Variants in CASZ1 observed in about 807,000 individuals in gnomAD.
CASZ1 encodes the protein castor zinc finger 1.
A neutral mutation model predicts 135.2 loss-of-function variants in CASZ1; 28 were observed. The ratio of observed to expected loss-of-function variants is 0.21; its 90% confidence interval spans 0.15 to 0.28. The LOEUF (loss-of-function observed/expected upper bound fraction) is 0.28, where lower values mean the gene tolerates loss of function less well. CASZ1 is among the 10% of genes least tolerant of loss of function. The probability of loss-of-function intolerance (pLI) is 1.00; values close to 1 mark genes in which losing one functional copy is unlikely to be tolerated. For synonymous variants in CASZ1, 1,068 were observed against 1,073.4 expected (o/e 0.99, Z 0.10); for missense variants, 2,161 against 2,453.3 (o/e 0.88, Z 2.52).
intron 2 of CASZ1, among the ~76,000 whole-genome samples, chr1:10,712,820 C>A (rs1639311734): frequency 6.6e-6 from 1 of 152,258 alleles, no homozygotes; most frequent in Non-Finnish European, 1.5e-5. Flanking sequence ...CACGGCCCAG[C>A]CAATCCATCT....
chr1:10,643,705 C>A (rs778497162), intron 18 of CASZ1, among the ~76,000 whole-genome samples: 2 of 152,206 alleles, frequency 1.3e-5, no homozygotes, highest in African/African-American at 2.4e-5. Context: ...TGCCCCTCTG[C>A]CCAGGCCCCA....
intron 1 of CASZ1, among the ~76,000 whole-genome samples, chr1:10,781,209 C>G (rs2100612395): frequency 6.6e-6 from 1 of 152,370 alleles, no homozygotes; most frequent in Non-Finnish European, 1.5e-5. Flanking sequence ...CGACCTTCTC[C>G]ACTAGCACAG....
intron 1 of CASZ1, among the ~76,000 whole-genome samples, chr1:10,790,810 G>T (rs1473485435): frequency 6.6e-6 from 1 of 151,712 alleles, no homozygotes; most frequent in Non-Finnish European, 1.5e-5. Context: ...GGGAGAGGAT[G>T]GTATAAATGT....
At chr1:10,684,960 G>T (rs1457576631) in intron 4 of CASZ1, among the ~76,000 whole-genome samples, 1 of 152,250 alleles carries the variant, frequency 6.6e-6, no homozygotes, top group Non-Finnish European at 1.5e-5. Flanking sequence ...GGAACCCCCA[G>T]TGTGGGACCT....
intron 18 of CASZ1, among the ~76,000 whole-genome samples, chr1:10,643,664 A>C (rs1198874523): frequency 6.6e-6 from 1 of 152,178 alleles, no homozygotes; most frequent in East Asian, 1.9e-4. Flanking sequence ...ACCTGTCCCC[A>C]CATCTCTGCT....
rs1470141562 is a variant in CASZ1 at position 10,721,472 on chromosome 1, C to T, written c.-76-15928G>A. Among the ~76,000 whole-genome samples, 3 of 152,238 alleles carry T rather than the reference C, an allele frequency of 2.0e-5. No individual in the cohort carries two copies. Among genetic ancestry groups the T allele is most frequent in the Non-Finnish European group, 4.4e-5 (3 of 68,050 alleles). ...GGCCTGTTAACCAAAACACTAATTG[C>T]TGTGACTGATTGTCACATATCATCA... On this transcript the variant is annotated intron_variant, in intron 2 of 20. Coordinates refer to ENST00000377022, the MANE Select transcript of CASZ1 (RefSeq NM_001079843.3). The surrounding 1 kb of genome is among the most constrained non-coding windows in gnomAD (Gnocchi z 5.4).
At chr1:10,686,297 GA>G (rs1213754975) in intron 4 of CASZ1, among the ~76,000 whole-genome samples, 6 of 152,214 alleles carry the variant, frequency 3.9e-5, no homozygotes, top group Admixed American at 1.3e-4. Flanking sequence ...AAAGTTGGCA[GA>G]AAAAAAATTC....
rs374254437 is a variant in CASZ1 at position 10,640,505 on chromosome 1, G to C, written c.4163-446C>G. 3.5e-4 allele frequency among the ~76,000 whole-genome samples: 54 copies of C among 152,326 alleles called. No individual in the cohort carries two copies. The East Asian group carries it at 3.7e-3, about 10-fold the overall frequency. On this transcript the variant is annotated intron_variant, in intron 20 of 20. Transcript: ENST00000377022. ...GGGACAGGCCGGCTCCTTTCCCGCC[G>C]GCTACCCGGCTTCCCTGGCTGCGCC... is the stretch of plus-strand genomic sequence containing the variant.
intron 1 of CASZ1, among the ~76,000 whole-genome samples, chr1:10,778,440 A>G (rs1640700589): frequency 6.6e-6 from 1 of 152,218 alleles, no homozygotes; most frequent in African/African-American, 2.4e-5. Context: ...ACACATCCTC[A>G]TACAATCTCA....
At chr1:10,729,353 G>A (rs993700121) in intron 2 of CASZ1, among the ~76,000 whole-genome samples, 2 of 152,168 alleles carry the variant, frequency 1.3e-5, no homozygotes, top group Non-Finnish European at 2.9e-5. Flanking sequence ...CTGGCACTGC[G>A]GGGCAGCCGG....
intron 11 of CASZ1, 153 bp downstream of exon 11, chr1:10,653,224 G>T: frequency 1.2e-6 from 1 of 826,346 alleles, no homozygotes; most frequent in Non-Finnish European, 2.0e-6. Context: ...AACAGGATGG[G>T]GGCGAAGATC....
rs767492835 is a variant in CASZ1 at position 10,665,276 on chromosome 1, G to A, written c.312C>T (p.Pro104=). The A allele has an allele frequency of 1.1e-5, 18 of 1,611,564 alleles. No individual in the cohort carries two copies. The highest frequency in any genetic ancestry group is 5.3e-5 in the African/African-American group (4 of 74,922). The change falls in exon 5 of 21, where the codon CCC becomes CCT. Residue 104 remains proline (P), a synonymous_variant. Transcript: ENST00000377022. ...CCTCGCGGGCAATCCGCCCCAACAC[G>A]GGTGTGGGTGCCGGCTCCTCGCTGT... ...GEYSEEPAPT[P]VLGRIAREGL...
At chr1:10,737,269 G>A (rs1282281340) in intron 2 of CASZ1, among the ~76,000 whole-genome samples, 2 of 152,202 alleles carry the variant, frequency 1.3e-5, no homozygotes, top group Non-Finnish European at 2.9e-5. Context: ...CATTAGCGGT[G>A]GAGGCACAGC....
chr1:10,755,930 T>C lies in CASZ1; in HGVS notation c.-77+4771A>G, dbSNP rs933226503. 1.3e-5 allele frequency among the ~76,000 whole-genome samples: 2 copies of C among 149,538 alleles called. No individual in the cohort carries two copies. Among genetic ancestry groups the C allele is most frequent in the Non-Finnish European group, 3.0e-5 (2 of 67,410 alleles). ...CAGATCAAAGCCCTGGAGGATGGCA[T>C]GAGAACTGTCCAGTCCAGTTAGGAG... is the stretch of plus-strand genomic sequence containing the variant. On this transcript the variant is annotated intron_variant, in intron 2 of 20. Transcript: ENST00000377022. The surrounding 1 kb of genome is among the most constrained non-coding windows in gnomAD (Gnocchi z 4.3).
intron 2 of CASZ1, among the ~76,000 whole-genome samples, chr1:10,716,428 C>T (rs1004064145): frequency 3.9e-5 from 6 of 152,218 alleles, no homozygotes; most frequent in African/African-American, 7.2e-5. Flanking sequence ...ATGGGGACCC[C>T]GGCTTAAATC....
In CASZ1 at chr1:10,646,451, G is replaced by A. The variant is rs1263926769; in HGVS notation, c.3498-125C>T. 8 of 864,400 alleles carry A rather than the reference G, an allele frequency of 9.3e-6. No individual in the cohort carries two copies. Among genetic ancestry groups the A allele is most frequent in the Non-Finnish European group, 1.1e-5 (6 of 541,118 alleles). 53.5% of individuals were successfully genotyped at this position (864,400 alleles called of 1,614,324 possible). ...GCGGTACCACCAAGAGGGATGGCCT[G>A]GGCTGCTGTCCTGCTCAACAGGATG... On this transcript the variant is annotated intron_variant, in intron 16 of 20. Coordinates refer to ENST00000377022, the MANE Select transcript of CASZ1 (RefSeq NM_001079843.3). This position sits in a 1 kb window ranked among gnomAD's most constrained non-coding sequence, Gnocchi z 6.4.
At chr1:10,693,447 A>G (rs1369363059) in intron 4 of CASZ1, among the ~76,000 whole-genome samples, 3 of 151,188 alleles carry the variant, frequency 2.0e-5, no homozygotes, top group Non-Finnish European at 4.4e-5. Flanking sequence ...CCACTAAAAA[A>G]ATAAAAACAC....
Position 10,695,854 on chromosome 1 carries a change from G to C in CASZ1, c.-23-1942C>G, listed in dbSNP as rs865800219. On this transcript the variant is annotated intron_variant, in intron 3 of 20. Coordinates refer to ENST00000377022, the MANE Select transcript of CASZ1 (RefSeq NM_001079843.3). Reference sequence around the variant, plus strand: ...CCCAGAGGGCCTCAAGGAAAGAGACGGTGGGGTGAGCAGGGCCTTGGGCAG... The same window carrying C: ...CCCAGAGGGCCTCAAGGAAAGAGACCGTGGGGTGAGCAGGGCCTTGGGCAG... 4.6e-5 allele frequency among the ~76,000 whole-genome samples: 7 copies of C among 152,098 alleles called. No homozygotes were observed. In the South Asian group the frequency reaches 1.5e-3, roughly 32 times the overall value.
intron 13 of CASZ1, 166 bp from the exon 14 acceptor site, chr1:10,649,603 C>T (rs1294764621): frequency 2.6e-6 from 2 of 760,434 alleles, no homozygotes; most frequent in African/African-American, 3.5e-5. Context: ...TGGGCCCTCT[C>T]TGAACAGAGA....
Sources: allele counts gnomAD v4.1 joint callset (sites outside exome capture counted in the v4.1 genomes callset), GRCh38; gene constraint gnomAD v4.1.1; non-coding constraint Gnocchi (gnomAD v3.1); transcripts MANE v1.5; gene names NCBI Gene and HGNC (gene_info 2026-07-23, HGNC 2026-07-21).